FRRS1: variants seen among roughly 807,000 people sequenced by gnomAD.
FRRS1 encodes the protein ferric reductase 1.
In FRRS1, 51 loss-of-function variants were observed where a neutral mutation model predicts 70.7. That is an observed-to-expected ratio of 0.72 (90% CI 0.58 to 0.91). The LOEUF is 0.91. Among genes scored for constraint, FRRS1 ranks in the 40% least tolerant of loss-of-function variants. FRRS1 has a pLI of 0.00. For missense variants in FRRS1, 672 were observed against 726.0 expected, an observed-to-expected ratio of 0.93 and a Z score of 0.86; for synonymous variants, 225 against 238.7, an observed-to-expected ratio of 0.94 and a Z score of 0.53.
At chr1:99,724,041 T>C (rs996174783) in intron 9 of FRRS1, among the ~76,000 whole-genome samples, 1 of 152,196 alleles carries the variant, frequency 6.6e-6, no homozygotes, top group Non-Finnish European at 1.5e-5. Flanking sequence ...TGAGTGGTAG[T>C]TATGAAAAAG....
At position 99,748,677 on chromosome 1, in the gene FRRS1, G is replaced by A; in HGVS notation, c.92C>T (p.Ser31Leu). ...ANYPNGKVTQSCHGMIPEHGH... is the reference protein window; with the variant it reads ...ANYPNGKVTQLCHGMIPEHGH... ...ATGTTCAGGAATCATTCCATGGCAT[G>A]ACTGTGTTACTTTTCCATTGGGATA... is the stretch of plus-strand genomic sequence containing the variant. Residue 31 changes from serine to leucine, a missense_variant, in exon 3 of 17, where the codon TCA becomes TTA. Physicochemically the swap from Ser to Leu is moderately radical, Grantham distance 145 (BLOSUM62 -2). Coordinates refer to ENST00000646001, the MANE Select transcript of FRRS1 (RefSeq NM_001361041.2). 1 of 1,613,676 alleles carries A rather than the reference G, an allele frequency of 6.2e-7. No homozygotes were observed. Among genetic ancestry groups the A allele is most frequent in the Non-Finnish European group, 8.5e-7 (1 of 1,179,590 alleles).
At chr1:99,709,152 A>T (rs754773736) in intron 16 of FRRS1, 32 bp from the exon 17 acceptor site, 2 of 1,601,702 alleles carry the variant, frequency 1.2e-6, no homozygotes, top group Non-Finnish European at 1.7e-6. Flanking sequence ...GAAAAAAAAA[A>T]GTATTACCAT....
intron 1 of FRRS1, among the ~76,000 whole-genome samples, chr1:99,764,780 T>G (rs1306455321): frequency 6.6e-6 from 1 of 152,202 alleles, no homozygotes; most frequent in African/African-American, 2.4e-5. Context: ...GCATGAGGAT[T>G]AAATAAAATA....
At chr1:99,737,836 A>G (rs1421632465) in intron 7 of FRRS1, among the ~76,000 whole-genome samples, 1 of 152,072 alleles carries the variant, frequency 6.6e-6, no homozygotes, top group Non-Finnish European at 1.5e-5. Flanking sequence ...TCCACCTCCC[A>G]GGTTCAAGTG....
At chr1:99,737,782 G>A (rs58535701) in intron 7 of FRRS1, among the ~76,000 whole-genome samples, 3,892 of 152,064 alleles carry the variant, frequency 0.026, 177 homozygotes, top group African/African-American at 0.089. Context: ...TCACTCTGTC[G>A]CCCAGGCTGG....
Position 99,747,355 on chromosome 1 carries a change from A to G in FRRS1, c.272T>C (p.Ile91Thr), listed in dbSNP as rs1181689664. The stretch of plus-strand genomic sequence containing the variant: ...ACTGTCAATCAATGTGAAGGAGCCA[A>G]TAGGAGGGCCATTCAGATCCTCAGC... ...RNAEDLNGPP[I>T]GSFTLIDSEV... is the part of the protein sequence containing the mutation. Residue 91 changes from isoleucine (I) to threonine (T), a missense_variant, in exon 4 of 17, where the codon ATT (isoleucine) becomes ACT (threonine). Coordinates refer to ENST00000646001, the MANE Select transcript of FRRS1 (RefSeq NM_001361041.2). 1 of 1,614,008 alleles carries G rather than the reference A, an allele frequency of 6.2e-7. No individual in the cohort carries two copies. Among genetic ancestry groups the G allele is most frequent in the East Asian group, 2.2e-5 (1 of 44,878 alleles).
At position 99,705,032 on chromosome 1, in the gene FRRS1, G is replaced by A. The variant is rs1375118275; in HGVS notation, c.*3996C>T. 6.6e-6 allele frequency among the ~76,000 whole-genome samples: 1 copy of A among 152,214 alleles called. No individual in the cohort carries two copies. The highest frequency in any genetic ancestry group is 2.4e-5 in the African/African-American group (1 of 41,454). On this transcript the variant is annotated 3_prime_UTR_variant, in exon 17 of 17. Transcript: ENST00000646001. Reference sequence around the variant, plus strand: ...AGCCCTCTGTCCTTGCAATAAGGCAGGGGTCTAATTGAGCTAACACAAGCT... The same window carrying A: ...AGCCCTCTGTCCTTGCAATAAGGCAAGGGTCTAATTGAGCTAACACAAGCT...
rs150167661 is a variant in FRRS1 at position 99,752,266 on chromosome 1, C to T, written c.-105-3265G>A. Among the ~76,000 whole-genome samples the T allele has an allele frequency of 3.9e-5, 6 of 152,350 alleles. No individual in the cohort carries two copies. In the East Asian group the frequency reaches 1.2e-3, roughly 29 times the overall value. ...TGACTGGAACAAGAGGCCTGACTTT[C>T]AGCCACTCTTGGCTTTTGGCATGCC... On this transcript the variant is annotated intron_variant, in intron 1 of 16. Coordinates refer to ENST00000646001, the MANE Select transcript of FRRS1 (RefSeq NM_001361041.2).
chr1:99,733,153 C>T (rs1038487234), intron 7 of FRRS1, among the ~76,000 whole-genome samples: 6 of 152,110 alleles, frequency 3.9e-5, no homozygotes, highest in African/African-American at 1.4e-4. Context: ...CCAGCCAAGA[C>T]GATCTTAAAT....
chr1:99,757,743 G>A (rs1656906578), intron 1 of FRRS1, among the ~76,000 whole-genome samples: 1 of 151,994 alleles, frequency 6.6e-6, no homozygotes, highest in Non-Finnish European at 1.5e-5. Context: ...ATTTTATTAT[G>A]AGAATTACAA....
intron 6 of FRRS1, 90 bp downstream of exon 6, chr1:99,740,703 A>T: frequency 1.2e-6 from 1 of 858,928 alleles, no homozygotes; most frequent in Non-Finnish European, 1.9e-6. Context: ...ACTCCAAGGC[A>T]GGAGGATCAC....
rs753254047 is a variant in FRRS1 at position 99,738,042 on chromosome 1, TG to T, written c.759+43del. Reference sequence around the variant, plus strand: ...AGGCATGAGCCACCATGCCTAGCCGTGATTCTCCTTTTGTTACCACTTATGT... The same window carrying T: ...AGGCATGAGCCACCATGCCTAGCCGTATTCTCCTTTTGTTACCACTTATGT... On this transcript the variant is annotated intron_variant, in intron 7 of 16. Transcript: ENST00000646001. 2.0e-6 allele frequency: 3 copies of T among 1,499,864 alleles called. No individual in the cohort carries two copies. The African/African-American group carries it at 4.3e-5, about 22-fold the overall frequency. The allele number at this position is 1,499,864 out of a possible 1,614,324, so 92.9% of individuals were successfully genotyped here.
At chr1:99,726,965 T>G (rs1053920513) in intron 9 of FRRS1, among the ~76,000 whole-genome samples, 1 of 152,212 alleles carries the variant, frequency 6.6e-6, no homozygotes. Context: ...TCCACCTGTC[T>G]GGATCTTTCA....
chr1:99,715,814 G>C, intron 11 of FRRS1, 142 bp from the exon 12 acceptor site: 1 of 518,780 alleles, frequency 1.9e-6, no homozygotes, highest in South Asian at 3.0e-5. Flanking sequence ...ACAGTTTGTA[G>C]CCAGGTTAAG....
Position 99,708,626 on chromosome 1 carries a change from ATATATATATATATATATATAT to A in FRRS1, c.*381_*401del, listed in dbSNP as rs1212559737. The A allele has an allele frequency of 5.8e-4, 13 of 22,520 alleles. 1 individual carries two copies. Among genetic ancestry groups the A allele is most frequent in the South Asian group, 3.6e-3 (1 of 274 alleles). The allele number at this position is 22,520 out of a possible 1,614,324, so 1.4% of individuals were successfully genotyped here. A position where few individuals can be genotyped will look rare whatever the true frequency, so the allele number is the denominator to read the frequency against. ...AAAAAAAAAAAAAAAAAAAAAAAAAATATATATATATATATATATATATATATATATATATATCGTAATATA... is the reference window on the plus strand; with the variant it reads ...AAAAAAAAAAAAAAAAAAAAAAAAAAATATATATATATATATCGTAATATA... On this transcript the variant is annotated 3_prime_UTR_variant, in exon 17 of 17. Coordinates refer to ENST00000646001, the MANE Select transcript of FRRS1 (RefSeq NM_001361041.2).
rs137958059 is a variant in FRRS1, at chr1:99,748,687, C to G, written c.82G>C (p.Val28Leu). The change falls in exon 3 of 17, where the codon GTA becomes CTA. Residue 28 changes from valine (V) to leucine (L), a missense_variant. By Grantham distance (32) the Val-to-Leu change is conservative. Transcript: ENST00000646001. ...SYVANYPNGKVTQSCHGMIPE... is the reference protein window; with the variant it reads ...SYVANYPNGKLTQSCHGMIPE... Reference sequence around the variant, plus strand: ...ATCATTCCATGGCATGACTGTGTTACTTTTCCATTGGGATAATTAGCCACA... The same window carrying G: ...ATCATTCCATGGCATGACTGTGTTAGTTTTCCATTGGGATAATTAGCCACA... 6.2e-7 allele frequency: 1 copy of G among 1,613,976 alleles called. No homozygotes were observed. Among genetic ancestry groups the G allele is most frequent in the East Asian group, 2.2e-5 (1 of 44,862 alleles).
At chr1:99,712,336 T>A in intron 13 of FRRS1, 82 bp downstream of exon 13, 1 of 1,117,282 alleles carries the variant, frequency 9.0e-7, no homozygotes, top group Non-Finnish European at 1.3e-6. Context: ...AAATGCAAAA[T>A]TTTTCCATTT....
chr1:99,737,971 G>A lies in FRRS1; in HGVS notation c.759+115C>T, dbSNP rs190107923. ...TCGGCCAGGCTGGTCTTGAACTCCC[G>A]ACCTCGTGATCCACCTGCCTCGGCC... On this transcript the variant is annotated intron_variant, in intron 7 of 16. Transcript: ENST00000646001. 1.9e-3 allele frequency: 1,513 copies of A among 793,530 alleles called. 3 individuals are homozygous for A. The highest frequency in any genetic ancestry group is 2.7e-3 in the Non-Finnish European group (1,324 of 499,206). The allele number at this position is 793,530 out of a possible 1,614,324, so 49.2% of individuals were successfully genotyped here. A position where few individuals can be genotyped will look rare whatever the true frequency, so the allele number is the denominator to read the frequency against.
intron 4 of FRRS1, among the ~76,000 whole-genome samples, chr1:99,746,563 T>C (rs1210832414): frequency 6.6e-6 from 1 of 152,170 alleles, no homozygotes; most frequent in Non-Finnish European, 1.5e-5. Context: ...CAAGAGCTAA[T>C]AGACACCACA....
Sources: allele counts gnomAD v4.1 joint callset (sites outside exome capture counted in the v4.1 genomes callset), GRCh38; gene constraint gnomAD v4.1.1; transcripts MANE v1.5; gene names NCBI Gene and HGNC (gene_info 2026-07-23, HGNC 2026-07-21).